The following ZCCHC14 variants were observed in gnomAD, a reference collection of about 807,000 sequenced individuals.
ZCCHC14 encodes zinc finger CCHC-type containing 14, also known as zinc finger CCHC domain-containing protein 14.
Under a neutral mutation model 85.0 loss-of-function variants are expected in ZCCHC14, and 16 were observed. The observed-to-expected ratio is 0.19, with a 90% confidence interval of 0.13 to 0.29. The LOEUF is 0.29. Ranked by LOEUF, ZCCHC14 falls within the 10% of genes least tolerant of loss-of-function variation. The pLI is 1.00. For missense variants in ZCCHC14, 1,303 were observed against 1,443.5 expected (o/e 0.90, Z 1.58); for synonymous variants, 775 against 630.7 (o/e 1.23, Z -3.43).
chr16:87,462,321 C>T (rs1025688715), intron 1 of ZCCHC14, among the ~76,000 whole-genome samples: 1 of 152,132 alleles, frequency 6.6e-6, no homozygotes, highest in Non-Finnish European at 1.5e-5. Context: ...AACTCCTTTC[C>T]CACTAAACAA....
At chr16:87,413,520 G>A (rs576520265) in intron 10 of ZCCHC14, among the ~76,000 whole-genome samples, 8 of 151,324 alleles carry the variant, frequency 5.3e-5, no homozygotes, top group Admixed American at 3.3e-4. Flanking sequence ...GAGGCCGGCC[G>A]AGTCACGGAG....
intron 1 of ZCCHC14, among the ~76,000 whole-genome samples, chr16:87,485,605 AAAG>A (rs1169191896): frequency 5.9e-4 from 90 of 151,426 alleles, no homozygotes; most frequent in South Asian, 6.2e-4. Context: ...AAAAAAAAAA[AAAG>A]AAGAAGAATC....
chr16:87,439,587 C>G (rs1019935091), intron 2 of ZCCHC14, among the ~76,000 whole-genome samples: 1 of 152,308 alleles, frequency 6.6e-6, no homozygotes, highest in Middle Eastern at 3.4e-3. Flanking sequence ...GAGATAGACA[C>G]CTCACTCTGA....
intron 4 of ZCCHC14, among the ~76,000 whole-genome samples, chr16:87,423,115 A>G (rs1005211807): frequency 6.6e-5 from 10 of 152,244 alleles, no homozygotes; most frequent in Admixed American, 6.5e-4. Flanking sequence ...GAGAGGCATC[A>G]CTTTGGCTGA....
rs986947639 is a variant in ZCCHC14, at chr16:87,409,192, A to C, written c.*1088T>G. The C allele has an allele frequency of 2.6e-5, 4 of 152,270 alleles. No individual in the cohort carries two copies. The highest frequency in any genetic ancestry group is 5.9e-5 in the Non-Finnish European group (4 of 68,038). The allele number at this position is 152,270 out of a possible 1,614,324, so 9.4% of individuals were successfully genotyped here. ...CTATCAATACACAGCCTAATACAAA[A>C]GAAGTTGACAGGAGAAAATTCCCAA... On this transcript the variant is annotated 3_prime_UTR_variant, in exon 13 of 13. Coordinates refer to ENST00000671377, the MANE Select transcript of ZCCHC14 (RefSeq NM_015144.3).
chr16:87,472,721 C>T (rs1911824963), intron 1 of ZCCHC14: 2 of 152,362 alleles, frequency 1.3e-5, no homozygotes, highest in East Asian at 3.9e-4. Flanking sequence ...TTCCTTCCCC[C>T]TCAAGAAAAA....
At chr16:87,476,771 G>A (rs1912023733) in intron 1 of ZCCHC14, among the ~76,000 whole-genome samples, 2 of 150,120 alleles carry the variant, frequency 1.3e-5, no homozygotes, top group African/African-American at 4.9e-5. Flanking sequence ...TGGCGGGAGG[G>A]AATTCTCTGG....
intron 1 of ZCCHC14, among the ~76,000 whole-genome samples, chr16:87,482,895 G>A (rs1229120481): frequency 6.6e-6 from 1 of 152,110 alleles, no homozygotes; most frequent in African/African-American, 2.4e-5. Flanking sequence ...GCAGGGGACT[G>A]TCTTCAGAAT....
In ZCCHC14 at chr16:87,420,533, A is replaced by G; in HGVS notation, c.950+74T>C. On this transcript the variant is annotated intron_variant, in intron 5 of 12. Transcript: ENST00000671377. The surrounding 1 kb of genome is among the most constrained non-coding windows in gnomAD (Gnocchi z 5.0). Reference sequence around the variant, plus strand: ...GCATCCTCCCAGAGCTCCTTGGAGGACCACAGCATTGACCACAGGACCAGC... The same window carrying G: ...GCATCCTCCCAGAGCTCCTTGGAGGGCCACAGCATTGACCACAGGACCAGC... The G allele has an allele frequency of 1.6e-6, 2 of 1,245,250 alleles. No homozygotes were observed. Among genetic ancestry groups the G allele is most frequent in the Non-Finnish European group, 2.2e-6 (2 of 890,424 alleles). The allele number at this position is 1,245,250 out of a possible 1,614,324, so 77.1% of individuals were successfully genotyped here. A position where few individuals can be genotyped will look rare whatever the true frequency, so the allele number is the denominator to read the frequency against.
intron 8 of ZCCHC14, among the ~76,000 whole-genome samples, 196 bp from the exon 9 acceptor site, chr16:87,415,563 C>T (rs781671643): frequency 3.9e-5 from 6 of 152,332 alleles, no homozygotes; most frequent in African/African-American, 7.2e-5. Context: ...GGTTCAACTC[C>T]GAGACGCAGT....
chr16:87,448,008 T>G (rs982286418), intron 2 of ZCCHC14, among the ~76,000 whole-genome samples: 10 of 151,986 alleles, frequency 6.6e-5, no homozygotes, highest in Non-Finnish European at 1.3e-4. Flanking sequence ...TGCTCTGGAG[T>G]TAACTGCCTT....
intron 2 of ZCCHC14, among the ~76,000 whole-genome samples, chr16:87,442,481 C>A (rs1910233680): frequency 6.6e-6 from 1 of 152,140 alleles, no homozygotes; most frequent in African/African-American, 2.4e-5. Context: ...TGGCACAATG[C>A]CCCAACAGGG....
intron 2 of ZCCHC14, among the ~76,000 whole-genome samples, chr16:87,443,701 C>T (rs1451176197): frequency 6.6e-6 from 1 of 152,138 alleles, no homozygotes; most frequent in African/African-American, 2.4e-5. Flanking sequence ...CACACCACTG[C>T]ACTCTAGCCT....
At position 87,492,470 on chromosome 16, in the gene ZCCHC14, G is replaced by A. The variant is rs1912815558; in HGVS notation, c.-232C>T. On this transcript the variant is annotated 5_prime_UTR_variant, in exon 1 of 13. Coordinates refer to ENST00000671377, the MANE Select transcript of ZCCHC14 (RefSeq NM_015144.3). This position sits in a 1 kb window ranked among gnomAD's most constrained non-coding sequence, Gnocchi z 6.7. ...GGCGGGCGGGCGCGCGCGGGGCGCC[G>A]GGGGGGCCCGGGGCGGCCGGGGCGG... 6.9e-6 allele frequency: 1 copy of A among 144,666 alleles called. No individual in the cohort carries two copies. Among genetic ancestry groups the A allele is most frequent in the African/African-American group, 2.5e-5 (1 of 40,440 alleles). The allele number at this position is 144,666 out of a possible 1,614,324, so 9.0% of individuals were successfully genotyped here.
At chr16:87,485,591 A>C (rs1299457068) in intron 1 of ZCCHC14, among the ~76,000 whole-genome samples, 1 of 61,884 alleles carries the variant, frequency 1.6e-5, no homozygotes, top group South Asian at 3.5e-4. Context: ...GCAGTTTTCC[A>C]AAAAAAAAAA....
intron 3 of ZCCHC14, among the ~76,000 whole-genome samples, chr16:87,424,329 G>A (rs1909257286): frequency 6.6e-6 from 1 of 152,206 alleles, no homozygotes; most frequent in Admixed American, 6.5e-5. Context: ...TGGGCACACA[G>A]TGAGCCCAGG....
At chr16:87,482,950 G>C (rs1191564344) in intron 1 of ZCCHC14, among the ~76,000 whole-genome samples, 9 of 151,698 alleles carry the variant, frequency 5.9e-5, no homozygotes, top group African/African-American at 2.2e-4. Context: ...ACATGCATAT[G>C]TATAATATGT....
chr16:87,419,031 A>G lies in ZCCHC14; in HGVS notation c.1046-130T>C. 3.8e-6 allele frequency: 3 copies of G among 796,486 alleles called. No individual in the cohort carries two copies. The South Asian group carries it at 5.2e-5, about 14-fold the overall frequency. The allele number at this position is 796,486 out of a possible 1,614,324, so 49.3% of individuals were successfully genotyped here. A position where few individuals can be genotyped will look rare whatever the true frequency, so the allele number is the denominator to read the frequency against. ...GAGAGCAATGGTGCGATCTCGGCTC[A>G]CTGCAACCTCTGCCTCCCGGGTTCA... On this transcript the variant is annotated intron_variant, in intron 6 of 12. Coordinates refer to ENST00000671377, the MANE Select transcript of ZCCHC14 (RefSeq NM_015144.3).
Position 87,442,183 on chromosome 16 carries a change from G to T in ZCCHC14, c.695-8982C>A, listed in dbSNP as rs530592425. Among the ~76,000 whole-genome samples, 4 of 152,334 alleles carry T rather than the reference G, an allele frequency of 2.6e-5. No homozygotes were observed. In the East Asian group the frequency reaches 7.7e-4, roughly 29 times the overall value. On this transcript the variant is annotated intron_variant, in intron 2 of 12. Coordinates refer to ENST00000671377, the MANE Select transcript of ZCCHC14 (RefSeq NM_015144.3). Reference sequence around the variant, plus strand: ...ATCTGAACTGCCGAACACACCTCCAGCAGAGTCTGAGGCTGGACGGCAAGC... The same window carrying T: ...ATCTGAACTGCCGAACACACCTCCATCAGAGTCTGAGGCTGGACGGCAAGC...
Sources: gnomAD v4.1 joint callset for allele counts (sites outside exome capture counted in the v4.1 genomes callset) on GRCh38, gnomAD v4.1.1 for gene constraint, Gnocchi (gnomAD v3.1) non-coding constraint, MANE v1.5 for transcripts, NCBI Gene and HGNC (gene_info 2026-07-23, HGNC 2026-07-21) for gene names.